DLGAP1: variants seen among roughly 807,000 people sequenced by gnomAD.
DLGAP1 encodes the protein DLG associated protein 1.
A neutral mutation model predicts 90.8 loss-of-function variants in DLGAP1; 11 were observed. The observed-to-expected ratio is 0.12, with a 90% CI of 0.08 to 0.20. The LOEUF is 0.20. Among genes scored for constraint, DLGAP1 ranks in the 10% least tolerant of loss-of-function variants. DLGAP1 has a pLI of 1.00. For synonymous variants in DLGAP1, 558 were observed against 540.7 expected, an observed-to-expected ratio of 1.03 and a Z score of -0.44; for missense variants, 1,050 against 1,333.8, an observed-to-expected ratio of 0.79 and a Z score of 3.31.
chr18:3,829,536 C>G (rs535310708), intron 4 of DLGAP1, among the ~76,000 whole-genome samples: 1 of 151,800 alleles, frequency 6.6e-6, no homozygotes, highest in African/African-American at 2.4e-5. Flanking sequence ...AGTCAGGGTT[C>G]TCAGAAGAGA....
At chr18:4,025,120 G>C (rs2074678005) in intron 2 of DLGAP1, among the ~76,000 whole-genome samples, 1 of 152,306 alleles carries the variant, frequency 6.6e-6, no homozygotes, top group Non-Finnish European at 1.5e-5. Flanking sequence ...AAGACAAGTA[G>C]AGGAAATAAA....
At chr18:4,100,288 C>T (rs936418204) in intron 2 of DLGAP1, among the ~76,000 whole-genome samples, 3 of 152,158 alleles carry the variant, frequency 2.0e-5, no homozygotes, top group African/African-American at 7.2e-5. Context: ...ATTGATCTCC[C>T]TGTATAGCTC....
chr18:4,122,594 A>G (rs1311650173), intron 2 of DLGAP1, among the ~76,000 whole-genome samples: 2 of 152,192 alleles, frequency 1.3e-5, no homozygotes, highest in African/African-American at 4.8e-5. Flanking sequence ...TAATTGTACT[A>G]AATTCTAGGA....
intron 2 of DLGAP1, among the ~76,000 whole-genome samples, chr18:4,104,570 A>AT (rs1480668556): frequency 6.6e-6 from 1 of 151,836 alleles, no homozygotes; most frequent in Non-Finnish European, 1.5e-5. Context: ...AGTATTGTTT[A>AT]TTTTTTCATT....
chr18:3,574,024 C>T (rs2054961839), intron 8 of DLGAP1, among the ~76,000 whole-genome samples: 1 of 152,140 alleles, frequency 6.6e-6, no homozygotes, highest in African/African-American at 2.4e-5. Flanking sequence ...TTTAATACTC[C>T]CTCTTGCATC....
chr18:3,801,830 C>T (rs895132048), intron 5 of DLGAP1, among the ~76,000 whole-genome samples: 12 of 152,138 alleles, frequency 7.9e-5, no homozygotes, highest in Middle Eastern at 3.4e-3. Context: ...AGAAGAATGA[C>T]TGCTGAGATG....
chr18:3,966,064 TTTTAA>T (rs2073323988), intron 3 of DLGAP1, among the ~76,000 whole-genome samples: 10 of 151,514 alleles, frequency 6.6e-5, no homozygotes, highest in Admixed American at 5.9e-4. Flanking sequence ...ATATGAATAA[TTTTAA>T]ATAATAAGTG....
intron 2 of DLGAP1, among the ~76,000 whole-genome samples, chr18:4,090,233 A>C (rs979023001): frequency 3.9e-5 from 6 of 152,164 alleles, no homozygotes; most frequent in African/African-American, 1.4e-4. Flanking sequence ...CAACAAAAGC[A>C]AAAATTGACA....
intron 1 of DLGAP1, among the ~76,000 whole-genome samples, chr18:4,169,127 T>C (rs369792495): frequency 6.6e-6 from 1 of 152,240 alleles, no homozygotes; most frequent in African/African-American, 2.4e-5. Context: ...GGAAAAACCA[T>C]ATTGTTTTCC....
At chr18:4,144,921 A>G (rs974767531) in intron 2 of DLGAP1, among the ~76,000 whole-genome samples, 9 of 152,240 alleles carry the variant, frequency 5.9e-5, no homozygotes, top group Non-Finnish European at 1.2e-4. Context: ...AGTATAAACA[A>G]ATACTCAAAT....
intron 1 of DLGAP1, among the ~76,000 whole-genome samples, chr18:4,222,252 C>T (rs1423165999): frequency 2.6e-5 from 4 of 152,080 alleles, no homozygotes; most frequent in African/African-American, 9.7e-5. Flanking sequence ...AAGTGATATT[C>T]AATATGCCCC....
chr18:4,087,791 T>A (rs77623975), intron 2 of DLGAP1, among the ~76,000 whole-genome samples: 6 of 152,188 alleles, frequency 3.9e-5, no homozygotes, highest in Non-Finnish European at 7.3e-5. Context: ...CATATTTTCA[T>A]CCTTTTACTC....
At chr18:3,548,459 G>GA (rs560637716) in intron 9 of DLGAP1, among the ~76,000 whole-genome samples, 16,937 of 128,764 alleles carry the variant, frequency 0.13, 1,296 homozygotes, top group African/African-American at 0.23. Context: ...TCTATAAAAA[G>GA]AAAAAAAAAA....
At chr18:3,855,283 G>T (rs1470127231) in intron 4 of DLGAP1, among the ~76,000 whole-genome samples, 1 of 152,186 alleles carries the variant, frequency 6.6e-6, no homozygotes, top group Non-Finnish European at 1.5e-5. Context: ...CCTACTTGAG[G>T]GTGGAGGGAG....
In DLGAP1 at chr18:3,498,610, C is replaced by T. The variant is rs973267490; in HGVS notation, c.*575G>A. Reference sequence around the variant, plus strand: ...CCAGGTCCCCCACCCCCAGGCCAGGCTTGGTCCCCTCTCTCTGTGTCCCTC... The same window carrying T: ...CCAGGTCCCCCACCCCCAGGCCAGGTTTGGTCCCCTCTCTCTGTGTCCCTC... On this transcript the variant is annotated 3_prime_UTR_variant, in exon 13 of 13. Coordinates refer to ENST00000315677, the MANE Select transcript of DLGAP1 (RefSeq NM_004746.4). 1 of 152,276 alleles carries T rather than the reference C, an allele frequency of 6.6e-6. No individual in the cohort carries two copies. The highest frequency in any genetic ancestry group is 1.5e-5 in the Non-Finnish European group (1 of 68,080). The allele number at this position is 152,276 out of a possible 1,614,324, so 9.4% of individuals were successfully genotyped here.
chr18:3,747,441 A>G (rs1001757258), intron 5 of DLGAP1, among the ~76,000 whole-genome samples: 1 of 152,220 alleles, frequency 6.6e-6, no homozygotes, highest in African/African-American at 2.4e-5. Flanking sequence ...GGAAGCATTT[A>G]TAACCTAAAG....
At chr18:4,359,416 C>A (rs1258855237) in intron 1 of DLGAP1, among the ~76,000 whole-genome samples, 1 of 152,242 alleles carries the variant, frequency 6.6e-6, no homozygotes, top group South Asian at 2.1e-4. Context: ...AACAAACAGG[C>A]CTTGTACATT....
At chr18:4,371,002 G>A (rs759960728) in intron 1 of DLGAP1, among the ~76,000 whole-genome samples, 39 of 152,174 alleles carry the variant, frequency 2.6e-4, no homozygotes, top group Non-Finnish European at 5.1e-4. Context: ...AGGCGTGTAC[G>A]CATGCACACA....
chr18:4,286,074 C>T (rs1353886012), intron 1 of DLGAP1, among the ~76,000 whole-genome samples: 12 of 152,122 alleles, frequency 7.9e-5, no homozygotes. Flanking sequence ...CAGAACACAA[C>T]AGCTTATGTC....
Sources: gnomAD v4.1 joint callset for allele counts (sites outside exome capture counted in the v4.1 genomes callset) on GRCh38, gnomAD v4.1.1 for gene constraint, MANE v1.5 for transcripts, NCBI Gene and HGNC (gene_info 2026-07-23, HGNC 2026-07-21) for gene names.